The following WWOX variants were observed in gnomAD, a reference collection of about 807,000 sequenced individuals.
WWOX encodes WW domain containing oxidoreductase.
WWOX carries 69 observed loss-of-function variants against 46.2 expected under a neutral mutation model. That is an observed-to-expected ratio of 1.49 (90% CI 1.23 to 1.82). WWOX has a LOEUF of 1.82. Ranked by LOEUF, WWOX falls within the 40% of genes most tolerant of loss-of-function variation. The pLI, the probability that WWOX is intolerant of heterozygous loss-of-function variation, is 0.00. For missense variants in WWOX, 919 were observed against 542.6 expected (o/e 1.69, Z -6.89); for synonymous variants, 359 against 202.6 (o/e 1.77, Z -6.56).
chr16:78,540,246 A>C (rs1490102869), intron 8 of WWOX, among the ~76,000 whole-genome samples: 5 of 152,214 alleles, frequency 3.3e-5, no homozygotes, highest in Admixed American at 6.5e-5. Flanking sequence ...AACAGAAAAA[A>C]AAAAAAATGG....
At position 78,287,858 on chromosome 16, in the gene WWOX, T is replaced by C. The variant is rs761680054; in HGVS notation, c.517-99002T>C. Among the ~76,000 whole-genome samples the C allele has an allele frequency of 1.2e-3, 177 of 152,208 alleles. 4 individuals carry two copies. Among genetic ancestry groups the C allele is most frequent in the Non-Finnish European group, 2.9e-4 (20 of 68,036 alleles). ...CACAAAGGCACAAGAACTGTTTCAG[T>C]AGTGGCCTGTTTTAATGTTCCATTC... On this transcript the variant is annotated intron_variant, in intron 5 of 8. Coordinates refer to ENST00000566780, the MANE Select transcript of WWOX (RefSeq NM_016373.4).
intron 8 of WWOX, among the ~76,000 whole-genome samples, chr16:78,437,405 C>CT (rs1408789310): frequency 6.6e-6 from 1 of 152,086 alleles, no homozygotes; most frequent in Non-Finnish European, 1.5e-5. Flanking sequence ...AAATGTTGCC[C>CT]TTTTACAGTT....
intron 8 of WWOX, among the ~76,000 whole-genome samples, chr16:79,080,516 A>G (rs571003740): frequency 6.6e-6 from 1 of 152,358 alleles, no homozygotes; most frequent in African/African-American, 2.4e-5. Flanking sequence ...GTTGCAGAAG[A>G]TCAGGAATTT....
At chr16:78,364,826 A>G (rs1485934322) in intron 5 of WWOX, among the ~76,000 whole-genome samples, 2 of 152,182 alleles carry the variant, frequency 1.3e-5, no homozygotes, top group East Asian at 1.9e-4. Context: ...GCAGGAGGGA[A>G]CAAGGTGTTT....
At chr16:78,744,320 G>A (rs1458995761) in intron 8 of WWOX, among the ~76,000 whole-genome samples, 3 of 149,954 alleles carry the variant, frequency 2.0e-5, no homozygotes, top group East Asian at 2.0e-4. Flanking sequence ...TACATGTGAC[G>A]TTTCATTTTT....
intron 8 of WWOX, among the ~76,000 whole-genome samples, chr16:78,506,959 C>T (rs2085223612): frequency 6.6e-6 from 1 of 152,118 alleles, no homozygotes. Flanking sequence ...AGTGATCCTC[C>T]CACCTCAGCT....
chr16:78,227,222 C>T (rs563489747), intron 5 of WWOX, among the ~76,000 whole-genome samples: 11 of 152,262 alleles, frequency 7.2e-5, no homozygotes, highest in South Asian at 2.1e-4. Flanking sequence ...TTACCTCTTG[C>T]GAATTGTACG....
At position 79,109,506 on chromosome 16, in the gene WWOX, G is replaced by A. The variant is rs960184073; in HGVS notation, c.1057-102102G>A. On this transcript the variant is annotated intron_variant, in intron 8 of 8. Coordinates refer to ENST00000566780, the MANE Select transcript of WWOX (RefSeq NM_016373.4). ...CAAGGATTTATGTTGTTAATCCTCCGGGCTAATTATAATTTATGGGATCTT... is the reference window on the plus strand; with the variant it reads ...CAAGGATTTATGTTGTTAATCCTCCAGGCTAATTATAATTTATGGGATCTT... Among the ~76,000 whole-genome samples the A allele has an allele frequency of 2.0e-5, 3 of 152,056 alleles. No homozygotes were observed. The East Asian group carries it at 5.8e-4, about 29-fold the overall frequency.
intron 8 of WWOX, among the ~76,000 whole-genome samples, chr16:78,787,602 C>A (rs1008032957): frequency 2.6e-5 from 4 of 152,108 alleles, no homozygotes; most frequent in African/African-American, 9.7e-5. Flanking sequence ...TTGGCTGTTA[C>A]GAATTATGCT....
At chr16:78,944,277 A>G (rs2045907673) in intron 8 of WWOX, among the ~76,000 whole-genome samples, 1 of 152,104 alleles carries the variant, frequency 6.6e-6, no homozygotes, top group Non-Finnish European at 1.5e-5. Context: ...CTTTATCAGC[A>G]TCTACATCTT....
At chr16:78,135,338 G>A (rs1037721248) in intron 4 of WWOX, among the ~76,000 whole-genome samples, 1 of 152,188 alleles carries the variant, frequency 6.6e-6, no homozygotes, top group East Asian at 1.9e-4. Flanking sequence ...TTTCTGAGAA[G>A]GAGGGGAAGC....
chr16:78,701,827 A>C (rs1377247170), intron 8 of WWOX, among the ~76,000 whole-genome samples: 1 of 151,556 alleles, frequency 6.6e-6, no homozygotes, highest in South Asian at 2.1e-4. Flanking sequence ...GTTTCTCTCC[A>C]TGATGGCGCA....
At chr16:78,330,971 G>A (rs977581343) in intron 5 of WWOX, among the ~76,000 whole-genome samples, 1 of 152,144 alleles carries the variant, frequency 6.6e-6, no homozygotes, top group African/African-American at 2.4e-5. Context: ...CTTTTCTGGA[G>A]CAGTCTATTT....
intron 8 of WWOX, among the ~76,000 whole-genome samples, chr16:79,156,406 C>T (rs142619377): frequency 3.9e-4 from 59 of 152,330 alleles, no homozygotes; most frequent in African/African-American, 1.4e-3. Context: ...AGTGATTCAC[C>T]CGCCTCAGCC....
intron 8 of WWOX, among the ~76,000 whole-genome samples, chr16:78,583,728 T>A (rs1169740414): frequency 6.6e-6 from 1 of 152,186 alleles, no homozygotes; most frequent in Non-Finnish European, 1.5e-5. Flanking sequence ...GAGTTGGTAA[T>A]CTAGAGGGTT....
At chr16:78,251,234 C>T (rs1264768127) in intron 5 of WWOX, among the ~76,000 whole-genome samples, 1 of 152,122 alleles carries the variant, frequency 6.6e-6, no homozygotes, top group Non-Finnish European at 1.5e-5. Flanking sequence ...GTTTTTTACC[C>T]AGTTTCTGTT....
At chr16:78,144,490 C>CATATATATATATAT (rs1567596496) in intron 4 of WWOX, among the ~76,000 whole-genome samples, 3 of 7,188 alleles carry the variant, frequency 4.2e-4, no homozygotes, top group Non-Finnish European at 7.1e-4. Flanking sequence ...TATATATACA[C>CATATATATATATAT]ACACACACAC....
intron 8 of WWOX, chr16:78,757,085 G>A (rs911978078): frequency 5.7e-6 from 4 of 697,848 alleles, no homozygotes; most frequent in African/African-American, 3.5e-5. Flanking sequence ...AGCCTTTGCT[G>A]CAATCTTGAC....
intron 8 of WWOX, among the ~76,000 whole-genome samples, chr16:78,613,420 C>CAG (rs1391052332): frequency 6.6e-6 from 1 of 152,116 alleles, no homozygotes; most frequent in Non-Finnish European, 1.5e-5. Flanking sequence ...CTCCTGAAAC[C>CAG]AGATTGGTGT....
Sources: allele counts gnomAD v4.1 joint callset (sites outside exome capture counted in the v4.1 genomes callset), GRCh38; gene constraint gnomAD v4.1.1; transcripts MANE v1.5; gene names NCBI Gene and HGNC (gene_info 2026-07-23, HGNC 2026-07-21).